The following RANBP17 variants were observed in gnomAD, a reference collection of about 807,000 sequenced individuals.
RANBP17 encodes the protein ran-binding protein 17.
RANBP17 carries 158 observed loss-of-function variants against 141.2 expected under a neutral mutation model. The observed-to-expected ratio is 1.12, with a 90% CI of 0.98 to 1.28. The LOEUF (loss-of-function observed/expected upper bound fraction) is 1.28. RANBP17 is among the 50% of genes most tolerant of loss of function. The probability of loss-of-function intolerance (pLI) is 0.00; values close to 1 mark genes in which losing one functional copy is unlikely to be tolerated. For synonymous variants in RANBP17, 430 were observed against 450.0 expected (o/e 0.96, Z 0.56); for missense variants, 1,438 against 1,290.7 (o/e 1.11, Z -1.75).
intron 14 of RANBP17, among the ~76,000 whole-genome samples, chr5:171,153,564 T>C (rs1456807933): frequency 1.3e-5 from 2 of 152,230 alleles, no homozygotes; most frequent in East Asian, 3.8e-4. Flanking sequence ...GGGAACATAT[T>C]GGAAGATAAC....
intron 14 of RANBP17, among the ~76,000 whole-genome samples, chr5:171,114,401 C>G (rs888295891): frequency 3.9e-5 from 6 of 152,048 alleles, no homozygotes; most frequent in African/African-American, 1.4e-4. Context: ...TGTTTACCTG[C>G]TCCAGGAGCT....
intron 25 of RANBP17, among the ~76,000 whole-genome samples, chr5:171,277,669 T>A (rs2964523): frequency 0.082 from 2,388 of 29,296 alleles, 61 homozygotes; most frequent in African/African-American, 0.15. Context: ...ATATATATAT[T>A]TATGTCTTAC....
At chr5:171,223,560 G>A (rs955612675) in intron 22 of RANBP17, among the ~76,000 whole-genome samples, 28 of 152,208 alleles carry the variant, frequency 1.8e-4, no homozygotes, top group African/African-American at 6.0e-4. Context: ...GTTTGAACCC[G>A]GGAGGCAGAG....
intron 12 of RANBP17, among the ~76,000 whole-genome samples, chr5:170,947,180 T>C (rs1581212214): frequency 6.6e-6 from 1 of 152,336 alleles, no homozygotes; most frequent in East Asian, 1.9e-4. Flanking sequence ...TTACCATTCA[T>C]TATTAATAAT....
At chr5:171,242,021 G>C (rs1484815311) in intron 23 of RANBP17, among the ~76,000 whole-genome samples, 2 of 149,642 alleles carry the variant, frequency 1.3e-5, no homozygotes, top group Middle Eastern at 3.2e-3. Flanking sequence ...GCAGGGTCTT[G>C]CTGTGTTGCC....
At chr5:171,182,277 T>A (rs1198211438) in intron 16 of RANBP17, among the ~76,000 whole-genome samples, 1 of 152,224 alleles carries the variant, frequency 6.6e-6, no homozygotes, top group African/African-American at 2.4e-5. Context: ...ATGACTATGG[T>A]AGAGTAAGAG....
intron 21 of RANBP17, among the ~76,000 whole-genome samples, chr5:171,220,114 G>A (rs1225329127): frequency 6.6e-6 from 1 of 152,062 alleles, no homozygotes; most frequent in African/African-American, 2.4e-5. Flanking sequence ...TGATGTTGTT[G>A]CTTTCTGTTT....
chr5:171,118,832 T>C (rs1304323311), intron 14 of RANBP17, among the ~76,000 whole-genome samples: 1 of 152,180 alleles, frequency 6.6e-6, no homozygotes, highest in Non-Finnish European at 1.5e-5. Flanking sequence ...GGTAGAGTCT[T>C]TAGGTTTATC....
chr5:171,240,928 GT>G lies in RANBP17; in HGVS notation c.2424del (p.Asn809IlefsTer17). On this transcript the variant is annotated frameshift_variant and splice_region_variant, in exon 23 of 28. Transcript: ENST00000523189. LOFTEE classifies it high-confidence loss of function. ...REASKMVCTYGNQILSLGSLS... is the reference protein window; with the variant it reads ...REASKMVCTYXNQILSLGSLS... ...ACTTTCTGCTTTTATCCTGAAACAG[GT>G]AATCAGATCCTGTCCCTTGGGAGCC... The G allele has an allele frequency of 1.2e-6, 2 of 1,607,040 alleles. No individual in the cohort carries two copies. Among genetic ancestry groups the G allele is most frequent in the South Asian group, 2.2e-5 (2 of 90,746 alleles).
At chr5:171,200,792 G>A (rs558599227) in intron 19 of RANBP17, among the ~76,000 whole-genome samples, 1 of 152,170 alleles carries the variant, frequency 6.6e-6, no homozygotes, top group African/African-American at 2.4e-5. Context: ...AAAATAATCA[G>A]CCAAATGCTA....
intron 12 of RANBP17, among the ~76,000 whole-genome samples, chr5:170,943,729 G>A (rs1453330183): frequency 1.3e-5 from 2 of 151,932 alleles, no homozygotes; most frequent in African/African-American, 4.8e-5. Context: ...TTTAAATTTT[G>A]TGAATGTAAT....
At chr5:171,024,088 A>G (rs1781072482) in intron 14 of RANBP17, among the ~76,000 whole-genome samples, 1 of 152,188 alleles carries the variant, frequency 6.6e-6, no homozygotes, top group South Asian at 2.1e-4. Context: ...AATTATAAAA[A>G]CATTAACTGT....
intron 14 of RANBP17, among the ~76,000 whole-genome samples, chr5:171,098,332 A>C (rs558976962): frequency 6.6e-6 from 1 of 152,284 alleles, no homozygotes; most frequent in Admixed American, 6.5e-5. Context: ...GGCCATTCTA[A>C]CTGGCATGAG....
At chr5:171,196,918 A>G (rs1401797893) in intron 18 of RANBP17, among the ~76,000 whole-genome samples, 1 of 152,094 alleles carries the variant, frequency 6.6e-6, no homozygotes, top group Non-Finnish European at 1.5e-5. Flanking sequence ...GCTTCCAAGT[A>G]GGTAGGATTA....
intron 14 of RANBP17, among the ~76,000 whole-genome samples, chr5:171,108,466 G>A (rs1755000495): frequency 6.6e-6 from 1 of 152,158 alleles, no homozygotes. Flanking sequence ...AGGCTGGAGT[G>A]CAGTGGTACA....
chr5:170,885,926 G>A (rs775572918), intron 3 of RANBP17, among the ~76,000 whole-genome samples: 92 of 144,736 alleles, frequency 6.4e-4, no homozygotes, highest in Non-Finnish European at 1.2e-3. Flanking sequence ...GACTGGCTCT[G>A]CTGTTGTATA....
chr5:171,244,303 G>A (rs1227750138), intron 24 of RANBP17, among the ~76,000 whole-genome samples: 1 of 151,542 alleles, frequency 6.6e-6, no homozygotes, highest in Non-Finnish European at 1.5e-5. Flanking sequence ...CAAGGCAGGA[G>A]AATCACTGAG....
chr5:170,965,958 G>A (rs1392510498), intron 13 of RANBP17, among the ~76,000 whole-genome samples: 1 of 152,062 alleles, frequency 6.6e-6, no homozygotes, highest in Non-Finnish European at 1.5e-5. Flanking sequence ...AGCTTGATGG[G>A]GATGGCATTG....
chr5:170,931,789 A>G (rs1347880599), intron 12 of RANBP17, among the ~76,000 whole-genome samples: 3 of 152,216 alleles, frequency 2.0e-5, no homozygotes, highest in African/African-American at 4.8e-5. Flanking sequence ...TACCAGTACC[A>G]TGCTGTTTTG....
Sources: allele counts gnomAD v4.1 joint callset (sites outside exome capture counted in the v4.1 genomes callset), GRCh38; gene constraint gnomAD v4.1.1; transcripts MANE v1.5; gene names NCBI Gene and HGNC (gene_info 2026-07-23, HGNC 2026-07-21).